Variants in GREB1L observed in about 807,000 individuals in gnomAD.
GREB1L encodes the protein GREB1-like protein.
GREB1L carries 17 observed loss-of-function variants against 200.8 expected under a neutral mutation model. That is an observed-to-expected ratio of 0.08 (90% CI 0.06 to 0.13). GREB1L has a LOEUF of 0.13. Ranked by LOEUF, GREB1L falls within the 10% of genes least tolerant of loss-of-function variation. The pLI is 1.00. For synonymous variants in GREB1L, 789 were observed against 893.0 expected, an observed-to-expected ratio of 0.88 and a Z score of 2.08; for missense variants, 1,657 against 2,367.7, an observed-to-expected ratio of 0.70 and a Z score of 6.23.
At chr18:21,248,754 A>T (rs2037648588) in intron 1 of GREB1L, among the ~76,000 whole-genome samples, 1 of 152,220 alleles carries the variant, frequency 6.6e-6, no homozygotes, top group African/African-American at 2.4e-5. Flanking sequence ...TGGCTATTTA[A>T]ATGTAAATTA....
intron 1 of GREB1L, among the ~76,000 whole-genome samples, chr18:21,275,849 T>C (rs991055304): frequency 1.3e-5 from 2 of 152,340 alleles, no homozygotes; most frequent in South Asian, 2.1e-4. Flanking sequence ...ATATCGTCTC[T>C]GACTGCATTT....
intron 1 of GREB1L, among the ~76,000 whole-genome samples, chr18:21,348,721 G>A (rs924119819): frequency 6.6e-6 from 1 of 152,094 alleles, no homozygotes; most frequent in African/African-American, 2.4e-5. Flanking sequence ...GTTGCAGTGA[G>A]CTGAGATCGC....
At chr18:21,403,420 G>A (rs1439583014) in intron 6 of GREB1L, among the ~76,000 whole-genome samples, 1 of 152,020 alleles carries the variant, frequency 6.6e-6, no homozygotes, top group East Asian at 1.9e-4. Flanking sequence ...TCTGTTTTTG[G>A]ACCTAAATTA....
chr18:21,500,520 A>T lies in GREB1L; in HGVS notation c.3970-20A>T, dbSNP rs1353636049. On this transcript the variant is annotated intron_variant, in intron 22 of 32. Coordinates refer to ENST00000424526, the MANE Select transcript of GREB1L (RefSeq NM_001142966.3). ...TCTTTCCCGCCTCCACTCCTCCCCAATTAAAAATCTTTCCATTAGGTGGGA... is the reference window on the plus strand; with the variant it reads ...TCTTTCCCGCCTCCACTCCTCCCCATTTAAAAATCTTTCCATTAGGTGGGA... The T allele has an allele frequency of 6.7e-7, 1 of 1,502,186 alleles. No individual in the cohort carries two copies. The highest frequency in any genetic ancestry group is 1.4e-5 in the African/African-American group (1 of 72,066). 93.1% of individuals were successfully genotyped at this position (1,502,186 alleles called of 1,614,324 possible). A position where few individuals can be genotyped will look rare whatever the true frequency, so the allele number is the denominator to read the frequency against.
At chr18:21,336,057 A>C (rs576498546) in intron 1 of GREB1L, among the ~76,000 whole-genome samples, 1 of 152,102 alleles carries the variant, frequency 6.6e-6, no homozygotes, top group Non-Finnish European at 1.5e-5. Flanking sequence ...CTGACGTTCT[A>C]TCTTGGTCTC....
chr18:21,520,850 T>A, intron 32 of GREB1L, 27 bp downstream of exon 32: 1 of 1,512,060 alleles, frequency 6.6e-7, no homozygotes, highest in East Asian at 2.5e-5. Context: ...ATCTTGCTTG[T>A]AATTGCTATT....
chr18:21,411,867 A>C (rs1362670162), intron 7 of GREB1L, among the ~76,000 whole-genome samples: 1 of 151,020 alleles, frequency 6.6e-6, no homozygotes, highest in East Asian at 2.0e-4. Context: ...AACACGGTGA[A>C]ACCCCGTCTC....
chr18:21,520,558 T>C (rs770265713), intron 31 of GREB1L, 130 bp from the exon 32 acceptor site: 159 of 1,017,032 alleles, frequency 1.6e-4, no homozygotes, highest in Non-Finnish European at 2.1e-4. Flanking sequence ...TAAGTTAATA[T>C]TGGAAAAAAC....
chr18:21,490,414 A>G, intron 19 of GREB1L, 63 bp downstream of exon 19: 19 of 1,412,530 alleles, frequency 1.3e-5, no homozygotes, highest in Non-Finnish European at 1.7e-5. Flanking sequence ...TAGGAATCCT[A>G]CATAGGTGGC....
intron 7 of GREB1L, among the ~76,000 whole-genome samples, chr18:21,438,978 AAG>A (rs1555647771): frequency 6.8e-6 from 1 of 147,792 alleles, no homozygotes; most frequent in Non-Finnish European, 1.5e-5. Context: ...AAAAAAAAAA[AAG>A]AAAAGAAAAG....
In GREB1L at chr18:21,441,551, A is replaced by AT; in HGVS notation, c.1207+16dup. On this transcript the variant is annotated intron_variant, in intron 10 of 32. Transcript: ENST00000424526. ...TAATTCTGATAGGTAAGGTAATGGA[A>AT]TTCCAAGTTGCCTGTGTCTGCTGGA... is the stretch of plus-strand genomic sequence containing the variant. 6.5e-7 allele frequency: 1 copy of AT among 1,542,168 alleles called. No homozygotes were observed. The highest frequency in any genetic ancestry group is 8.7e-7 in the Non-Finnish European group (1 of 1,144,016).
intron 11 of GREB1L, among the ~76,000 whole-genome samples, chr18:21,448,251 G>A (rs989877450): frequency 6.6e-6 from 1 of 151,720 alleles, no homozygotes; most frequent in African/African-American, 2.4e-5. Flanking sequence ...ATGTATAGAG[G>A]AGAAAAATCT....
At chr18:21,520,941 A>C in intron 32 of GREB1L, 118 bp downstream of exon 32, 1 of 823,270 alleles carries the variant, frequency 1.2e-6, no homozygotes, top group Non-Finnish European at 1.8e-6. Context: ...CAACGCCTGT[A>C]ATCTCAGCAC....
chr18:21,351,667 G>T (rs2039435248), intron 1 of GREB1L, among the ~76,000 whole-genome samples: 1 of 151,852 alleles, frequency 6.6e-6, no homozygotes, highest in Non-Finnish European at 1.5e-5. Flanking sequence ...TACATTCTGG[G>T]GTATGATAGG....
At chr18:21,301,417 G>A (rs1449925407) in intron 1 of GREB1L, among the ~76,000 whole-genome samples, 1 of 152,148 alleles carries the variant, frequency 6.6e-6, no homozygotes, top group Non-Finnish European at 1.5e-5. Flanking sequence ...CTTTCATGGA[G>A]CCCAGTTACC....
intron 7 of GREB1L, among the ~76,000 whole-genome samples, chr18:21,414,292 T>C (rs2031402280): frequency 6.6e-6 from 1 of 152,074 alleles, no homozygotes; most frequent in Non-Finnish European, 1.5e-5. Context: ...TTTTGTCATA[T>C]CACGTAAAAA....
At chr18:21,328,942 C>G (rs780906330) in intron 1 of GREB1L, among the ~76,000 whole-genome samples, 3 of 152,188 alleles carry the variant, frequency 2.0e-5, no homozygotes, top group Non-Finnish European at 2.9e-5. Flanking sequence ...CTGAGTCACA[C>G]ACACCCTTGA....
intron 16 of GREB1L, among the ~76,000 whole-genome samples, chr18:21,476,077 T>C (rs2035689529): frequency 7.0e-6 from 1 of 143,140 alleles, no homozygotes; most frequent in South Asian, 2.3e-4. Flanking sequence ...CTCCTATGGA[T>C]CAAAAAGCAA....
At chr18:21,243,516 A>G (rs1373096228) in intron 1 of GREB1L, among the ~76,000 whole-genome samples, 2 of 152,218 alleles carry the variant, frequency 1.3e-5, no homozygotes, top group African/African-American at 2.4e-5. Context: ...CGAGGCGGGA[A>G]TCCCTGCTTA....
Sources: allele counts gnomAD v4.1 joint callset (sites outside exome capture counted in the v4.1 genomes callset), GRCh38; gene constraint gnomAD v4.1.1; transcripts MANE v1.5; gene names NCBI Gene and HGNC (gene_info 2026-07-23, HGNC 2026-07-21).